Variants in ZNRF1 observed in about 807,000 individuals in gnomAD.
ZNRF1 encodes E3 ubiquitin-protein ligase ZNRF1.
Under a neutral mutation model 18.4 loss-of-function variants are expected in ZNRF1, and 3 were observed. The observed-to-expected ratio is 0.16, with a 90% CI of 0.07 to 0.42. The LOEUF is 0.42. ZNRF1 is among the 10% of genes least tolerant of loss of function. The pLI, the probability that ZNRF1 is intolerant of heterozygous loss-of-function variation, is 0.99. For synonymous variants in ZNRF1, 157 were observed against 144.2 expected, an observed-to-expected ratio of 1.09 and a Z score of -0.64; for missense variants, 310 against 329.8, an observed-to-expected ratio of 0.94 and a Z score of 0.47.
At chr16:75,010,493 G>T (rs1407798161) in intron 1 of ZNRF1, among the ~76,000 whole-genome samples, 1 of 152,068 alleles carries the variant, frequency 6.6e-6, no homozygotes, top group Non-Finnish European at 1.5e-5. Flanking sequence ...TTGGCTGTTG[G>T]TAGTGCCTTA....
intron 2 of ZNRF1, chr16:75,095,851 T>G: frequency 8.7e-7 from 1 of 1,150,614 alleles, no homozygotes; most frequent in Admixed American, 2.9e-5. Flanking sequence ...GCGCTGTTGG[T>G]TTACCCCCCT....
chr16:75,026,970 C>A (rs2035232728), intron 1 of ZNRF1, among the ~76,000 whole-genome samples: 1 of 151,776 alleles, frequency 6.6e-6, no homozygotes, highest in South Asian at 2.1e-4. Context: ...TTATTAAGTG[C>A]CCGGCACAGT....
intron 1 of ZNRF1, among the ~76,000 whole-genome samples, chr16:75,033,741 G>C (rs1261740645): frequency 6.6e-6 from 1 of 152,090 alleles, no homozygotes; most frequent in Middle Eastern, 3.2e-3. Flanking sequence ...TTGGCCTATA[G>C]TTTTAGAATA....
intron 2 of ZNRF1, among the ~76,000 whole-genome samples, chr16:75,102,818 C>T (rs954145235): frequency 3.3e-5 from 5 of 152,222 alleles, no homozygotes; most frequent in Non-Finnish European, 7.3e-5. Context: ...ATGCTTTCCT[C>T]CTGGGCACCC....
At chr16:75,027,824 G>T (rs1195034891) in intron 1 of ZNRF1, among the ~76,000 whole-genome samples, 1 of 152,090 alleles carries the variant, frequency 6.6e-6, no homozygotes, top group Non-Finnish European at 1.5e-5. Context: ...ACCTTAAACA[G>T]GCCCCTAATG....
intron 1 of ZNRF1, among the ~76,000 whole-genome samples, chr16:75,040,500 C>T (rs2145361052): frequency 6.6e-6 from 1 of 151,646 alleles, no homozygotes; most frequent in African/African-American, 2.4e-5. Context: ...TCTAGATTTG[C>T]CTTTTCTGGG....
intron 1 of ZNRF1, among the ~76,000 whole-genome samples, chr16:75,060,530 G>A (rs181114389): frequency 7.2e-6 from 1 of 138,030 alleles, no homozygotes; most frequent in East Asian, 2.1e-4. Flanking sequence ...CAGGCTTGGA[G>A]TGCAGTGGTG....
At chr16:75,107,675 G>T in intron 4 of ZNRF1, 58 bp from the exon 5 acceptor site, 6 of 456,058 alleles carry the variant, frequency 1.3e-5, no homozygotes, top group Non-Finnish European at 2.6e-5. Context: ...GCTGCCCTGG[G>T]ATGAGCAGAC....
rs149622827 is a variant in ZNRF1, at chr16:75,089,205, C to T, written c.425-4367C>T. Reference sequence around the variant, plus strand: ...GCAGCCTCAACCTCCTGGGCTCAAGCGATCCTCCTGCCTCAACCTCCCACG... The same window carrying T: ...GCAGCCTCAACCTCCTGGGCTCAAGTGATCCTCCTGCCTCAACCTCCCACG... On this transcript the variant is annotated intron_variant, in intron 1 of 4. Transcript: ENST00000335325. Among the ~76,000 whole-genome samples the T allele has an allele frequency of 8.6e-3, 1,313 of 152,170 alleles. 18 individuals carry two copies. Among genetic ancestry groups the T allele is most frequent in the African/African-American group, 0.03 (1,235 of 41,496 alleles).
chr16:75,005,053 A>T lies in ZNRF1; in HGVS notation c.424+4958A>T, dbSNP rs144386155. Among the ~76,000 whole-genome samples the T allele has an allele frequency of 1.9e-4, 29 of 152,170 alleles. No individual in the cohort carries two copies. In the East Asian group the frequency reaches 5.4e-3, roughly 28 times the overall value. On this transcript the variant is annotated intron_variant, in intron 1 of 4. Coordinates refer to ENST00000335325, the MANE Select transcript of ZNRF1 (RefSeq NM_032268.5). ...GGGGGAGAATTGCCAGCTCCCTTGG[A>T]GTGAATCAGAAAGCCTTTGTGTCCC...
At chr16:75,085,281 A>G (rs2036059909) in intron 1 of ZNRF1, among the ~76,000 whole-genome samples, 1 of 152,168 alleles carries the variant, frequency 6.6e-6, no homozygotes, top group South Asian at 2.1e-4. Flanking sequence ...AATTTCATAT[A>G]ATTAGAATCA....
intron 1 of ZNRF1, among the ~76,000 whole-genome samples, chr16:75,077,546 AAAAG>A (rs929652502): frequency 6.6e-6 from 1 of 152,210 alleles, no homozygotes; most frequent in Non-Finnish European, 1.5e-5. Flanking sequence ...AACAAACAAA[AAAAG>A]AGTTGATTTT....
chr16:75,005,990 CAT>C (rs2034912429), intron 1 of ZNRF1, among the ~76,000 whole-genome samples: 1 of 152,130 alleles, frequency 6.6e-6, no homozygotes, highest in Non-Finnish European at 1.5e-5. Context: ...ACCTGTGCAA[CAT>C]GTGACTGTAT....
chr16:75,010,083 A>G (rs1313451820), intron 1 of ZNRF1, among the ~76,000 whole-genome samples: 1 of 152,108 alleles, frequency 6.6e-6, no homozygotes, highest in Non-Finnish European at 1.5e-5. Flanking sequence ...CCCGGGTTCA[A>G]GCGATTCTCC....
intron 1 of ZNRF1, among the ~76,000 whole-genome samples, chr16:75,030,566 A>G (rs989711353): frequency 1.3e-5 from 2 of 152,190 alleles, no homozygotes; most frequent in African/African-American, 4.8e-5. Flanking sequence ...CAGCACAAGC[A>G]ACACAAGAGA....
intron 1 of ZNRF1, among the ~76,000 whole-genome samples, chr16:75,037,323 G>A (rs1172257467): frequency 6.6e-6 from 1 of 151,730 alleles, no homozygotes; most frequent in Admixed American, 6.6e-5. Flanking sequence ...ATGTCACTTG[G>A]TCTTCACTCT....
At chr16:75,042,193 G>A (rs890685786) in intron 1 of ZNRF1, among the ~76,000 whole-genome samples, 1 of 152,118 alleles carries the variant, frequency 6.6e-6, no homozygotes, top group Non-Finnish European at 1.5e-5. Flanking sequence ...TGTGTGGCCT[G>A]TGCTTTTATT....
At chr16:75,002,012 A>G (rs1415662531) in intron 1 of ZNRF1, among the ~76,000 whole-genome samples, 1 of 152,110 alleles carries the variant, frequency 6.6e-6, no homozygotes, top group African/African-American at 2.4e-5. Context: ...TATTGTAGGT[A>G]ATCCATTCCT....
intron 1 of ZNRF1, among the ~76,000 whole-genome samples, chr16:75,026,075 C>T (rs1005528502): frequency 1.3e-5 from 2 of 152,102 alleles, no homozygotes; most frequent in African/African-American, 2.4e-5. Context: ...TCCAATAACC[C>T]CATAGTTTGA....
Sources: gnomAD v4.1 joint callset for allele counts (sites outside exome capture counted in the v4.1 genomes callset) on GRCh38, gnomAD v4.1.1 for gene constraint, MANE v1.5 for transcripts, NCBI Gene and HGNC (gene_info 2026-07-23, HGNC 2026-07-21) for gene names.